PTPN1: variants seen among roughly 807,000 people sequenced by gnomAD.
PTPN1 encodes the protein tyrosine-protein phosphatase non-receptor type 1.
PTPN1 carries 12 observed loss-of-function variants against 59.9 expected under a neutral mutation model. That is an observed-to-expected ratio of 0.20 (90% CI 0.13 to 0.32). PTPN1 has a LOEUF of 0.32. Among genes scored for constraint, PTPN1 ranks in the 10% least tolerant of loss-of-function variants. The probability of loss-of-function intolerance (pLI) is 1.00; values close to 1 mark genes in which losing one functional copy is unlikely to be tolerated. For missense variants in PTPN1, 356 were observed against 549.2 expected (o/e 0.65, Z 3.52); for synonymous variants, 178 against 203.6 (o/e 0.87, Z 1.07).
chr20:50,546,793 A>G (rs1443434988), intron 1 of PTPN1, among the ~76,000 whole-genome samples: 3 of 152,196 alleles, frequency 2.0e-5, no homozygotes, highest in Non-Finnish European at 4.4e-5. Context: ...CATGGAGGGC[A>G]GCAGCTGGTG....
In PTPN1 at chr20:50,568,082, A is replaced by G. The variant is rs2122786449; in HGVS notation, c.256-298A>G. On this transcript the variant is annotated intron_variant, in intron 3 of 9. Coordinates refer to ENST00000371621, the MANE Select transcript of PTPN1 (RefSeq NM_002827.4). This position sits in a 1 kb window ranked among gnomAD's most constrained non-coding sequence, Gnocchi z 5.6. ...CCCAAGGGCCTTGGGGACGAATCTC[A>G]GTGGAGGCCCTTAGCGGGCCTGCCT... 6.6e-6 allele frequency among the ~76,000 whole-genome samples: 1 copy of G among 152,362 alleles called. No individual in the cohort carries two copies. The highest frequency in any genetic ancestry group is 3.4e-3 in the Middle Eastern group (1 of 294).
Position 50,584,794 on chromosome 20 carries a change from A to G in PTPN1, c.*2079A>G, listed in dbSNP as rs760110656. On this transcript the variant is annotated 3_prime_UTR_variant, in exon 10 of 10. Transcript: ENST00000371621. Reference sequence around the variant, plus strand: ...GTGCTTCCCATTTTTTTCTTTGCTTAATAGAGCTAAACCAGGATGAGTAAC... The same window carrying G: ...GTGCTTCCCATTTTTTTCTTTGCTTGATAGAGCTAAACCAGGATGAGTAAC... 6.6e-6 allele frequency: 1 copy of G among 152,228 alleles called. No individual in the cohort carries two copies. Among genetic ancestry groups the G allele is most frequent in the Non-Finnish European group, 1.5e-5 (1 of 68,034 alleles). 9.4% of individuals were successfully genotyped at this position (152,228 alleles called of 1,614,324 possible).
intron 1 of PTPN1, among the ~76,000 whole-genome samples, chr20:50,534,919 CAG>C (rs1369352925): frequency 1.5e-5 from 2 of 135,774 alleles, no homozygotes; most frequent in African/African-American, 5.5e-5. Flanking sequence ...TTTATAGAGA[CAG>C]AGTCTCACTG....
intron 1 of PTPN1, among the ~76,000 whole-genome samples, chr20:50,527,172 A>G (rs2082579876): frequency 6.6e-6 from 1 of 152,088 alleles, no homozygotes; most frequent in Non-Finnish European, 1.5e-5. Flanking sequence ...TGCCAGTTCA[A>G]CGTTCTCAGC....
Position 50,582,662 on chromosome 20 carries a change from G to T in PTPN1, c.1285-30G>T. The T allele has an allele frequency of 6.2e-7, 1 of 1,612,506 alleles. No individual in the cohort carries two copies. The highest frequency in any genetic ancestry group is 1.1e-5 in the South Asian group (1 of 90,614). On this transcript the variant is annotated intron_variant, in intron 9 of 9. Transcript: ENST00000371621. This position sits in a 1 kb window ranked among gnomAD's most constrained non-coding sequence, Gnocchi z 4.2. ...GACAGCTCTGCAGGTGCGGGTCTGG[G>T]CTCATCTGAACTGTTTGGTTTCATT... is the stretch of plus-strand genomic sequence containing the variant.
intron 4 of PTPN1, among the ~76,000 whole-genome samples, chr20:50,570,332 G>GT (rs1250369966): frequency 6.6e-6 from 1 of 152,058 alleles, no homozygotes; most frequent in Non-Finnish European, 1.5e-5. Context: ...TTTTTTGGGG[G>GT]TTTTTTACCC....
chr20:50,552,515 G>T (rs899625135), intron 1 of PTPN1, among the ~76,000 whole-genome samples: 1 of 152,014 alleles, frequency 6.6e-6, no homozygotes, highest in Non-Finnish European at 1.5e-5. Context: ...CAGCCAGAAG[G>T]GATCCACTTA....
chr20:50,574,932 T>C, intron 5 of PTPN1: 1 of 371,584 alleles, frequency 2.7e-6, no homozygotes, highest in South Asian at 3.7e-5. Flanking sequence ...TTCCTGCTTG[T>C]GCAGCTGCAG....
chr20:50,515,162 C>T (rs1220768226), intron 1 of PTPN1, among the ~76,000 whole-genome samples: 1 of 152,234 alleles, frequency 6.6e-6, no homozygotes, highest in East Asian at 1.9e-4. Flanking sequence ...AAAGTCCAAA[C>T]TCCTCTTTAG....
intron 1 of PTPN1, among the ~76,000 whole-genome samples, chr20:50,520,049 A>G (rs1287733783): frequency 6.6e-6 from 1 of 152,172 alleles, no homozygotes; most frequent in Non-Finnish European, 1.5e-5. Flanking sequence ...GAAGTTGGAC[A>G]GTTGGAAGCA....
In PTPN1 at chr20:50,510,594, C is replaced by T. The variant is rs1322630627; in HGVS notation, c.63+4C>T. The T allele has an allele frequency of 1.9e-6, 3 of 1,549,300 alleles. No individual in the cohort carries two copies. The highest frequency in any genetic ancestry group is 1.4e-5 in the African/African-American group (1 of 72,712). On this transcript the variant is annotated splice_donor_region_variant and intron_variant, in intron 1 of 9. Transcript: ENST00000371621. Reference sequence around the variant, plus strand: ...GAGCTGGGCGGCCATTTACCAGGTGCGGGAGCGCCCCGGAGCGTGGCGGGC... The same window carrying T: ...GAGCTGGGCGGCCATTTACCAGGTGTGGGAGCGCCCCGGAGCGTGGCGGGC...
At chr20:50,539,597 TAGG>T (rs2082639694) in intron 1 of PTPN1, among the ~76,000 whole-genome samples, 1 of 152,030 alleles carries the variant, frequency 6.6e-6, no homozygotes, top group Non-Finnish European at 1.5e-5. Flanking sequence ...ATAAGTGACT[TAGG>T]GTTTTTTGTC....
rs917241392 is a variant in PTPN1, at chr20:50,582,011, C to T, written c.1284+551C>T. On this transcript the variant is annotated intron_variant, in intron 9 of 9. Coordinates refer to ENST00000371621, the MANE Select transcript of PTPN1 (RefSeq NM_002827.4). This position sits in a 1 kb window ranked among gnomAD's most constrained non-coding sequence, Gnocchi z 4.2. ...TAGGACGCTGTTGCGCTCAAGCCCC[C>T]CTCAGCTGTGTGCACACTGAGCCAG... 1.3e-5 allele frequency among the ~76,000 whole-genome samples: 2 copies of T among 152,242 alleles called. No homozygotes were observed. Among genetic ancestry groups the T allele is most frequent in the African/African-American group, 4.8e-5 (2 of 41,466 alleles).
At chr20:50,553,051 GTCTC>G (rs2082710321) in intron 1 of PTPN1, among the ~76,000 whole-genome samples, 1 of 152,038 alleles carries the variant, frequency 6.6e-6, no homozygotes, top group South Asian at 2.1e-4. Context: ...TTGTCTCTCT[GTCTC>G]TCTCTGTCTC....
intron 9 of PTPN1, among the ~76,000 whole-genome samples, chr20:50,581,958 GA>G: frequency 6.6e-6 from 1 of 152,264 alleles, no homozygotes; most frequent in East Asian, 1.9e-4. Context: ...AAACTTTTAC[GA>G]ATGTAAACTC....
intron 1 of PTPN1, among the ~76,000 whole-genome samples, chr20:50,526,235 A>T (rs898433568): frequency 3.3e-5 from 5 of 150,752 alleles, no homozygotes; most frequent in Non-Finnish European, 7.4e-5. Flanking sequence ...TATTTAATTT[A>T]ATTTTATTTT....
chr20:50,541,449 C>T (rs889703002), intron 1 of PTPN1, among the ~76,000 whole-genome samples: 10 of 152,168 alleles, frequency 6.6e-5, no homozygotes, highest in African/African-American at 1.9e-4. Flanking sequence ...AGTGTCGGCT[C>T]CTTTGAGATG....
intron 1 of PTPN1, among the ~76,000 whole-genome samples, chr20:50,538,154 A>G (rs2082632355): frequency 6.6e-6 from 1 of 152,176 alleles, no homozygotes. Context: ...TGAATTTTCT[A>G]AATGGAAACA....
chr20:50,549,055 C>T (rs977095495), intron 1 of PTPN1, among the ~76,000 whole-genome samples: 36 of 152,162 alleles, frequency 2.4e-4, no homozygotes, highest in Admixed American at 2.2e-3. Flanking sequence ...ACAAGCTATA[C>T]AATAAATTGC....
Sources: gnomAD v4.1 joint callset for allele counts (sites outside exome capture counted in the v4.1 genomes callset) on GRCh38, gnomAD v4.1.1 for gene constraint, Gnocchi (gnomAD v3.1) non-coding constraint, MANE v1.5 for transcripts, NCBI Gene and HGNC (gene_info 2026-07-23, HGNC 2026-07-21) for gene names.